Variants in SH3GL2 observed in about 807,000 individuals in gnomAD.
SH3GL2 encodes the protein SH3 domain containing GRB2 like 2, endophilin A1.
Under a neutral mutation model 46.0 loss-of-function variants are expected in SH3GL2, and 24 were observed. The observed-to-expected ratio is 0.52, with a 90% CI of 0.38 to 0.73. SH3GL2 has a LOEUF of 0.73. Ranked by LOEUF, SH3GL2 falls within the 30% of genes least tolerant of loss-of-function variation. SH3GL2 has a pLI of 0.00. For synonymous variants in SH3GL2, 196 were observed against 147.1 expected, an observed-to-expected ratio of 1.33 and a Z score of -2.40; for missense variants, 413 against 424.2, an observed-to-expected ratio of 0.97 and a Z score of 0.23.
At chr9:17,794,765 A>G (rs7029798) in intron 8 of SH3GL2, among the ~76,000 whole-genome samples, 86,676 of 151,938 alleles carry the variant, frequency 0.57, 25,255 homozygotes, top group East Asian at 0.88. Flanking sequence ...CTCAAGGTGG[A>G]GTACATTATT....
At chr9:17,759,042 A>G (rs1823092376) in intron 2 of SH3GL2, among the ~76,000 whole-genome samples, 2 of 152,204 alleles carry the variant, frequency 1.3e-5, no homozygotes, top group South Asian at 2.1e-4. Context: ...TTTACACTAC[A>G]TGAGTGGTTG....
intron 1 of SH3GL2, among the ~76,000 whole-genome samples, chr9:17,688,804 A>G (rs535110569): frequency 1.4e-4 from 22 of 152,208 alleles, no homozygotes; most frequent in African/African-American, 4.8e-4. Flanking sequence ...ATAAATATCT[A>G]TGAGTTCATA....
chr9:17,777,804 A>C (rs1823684441), intron 3 of SH3GL2, among the ~76,000 whole-genome samples: 1 of 152,040 alleles, frequency 6.6e-6, no homozygotes, highest in South Asian at 2.1e-4. Flanking sequence ...ACTATCTCAA[A>C]ATACAATTAC....
chr9:17,614,294 T>TG (rs1170451528), intron 1 of SH3GL2, among the ~76,000 whole-genome samples: 371 of 11,228 alleles, frequency 0.033, 15 homozygotes, highest in Admixed American at 0.13. Flanking sequence ...GCATGGTTTC[T>TG]GAAAAAAAAA....
chr9:17,618,851 A>G (rs1819066094), intron 1 of SH3GL2, among the ~76,000 whole-genome samples: 1 of 151,776 alleles, frequency 6.6e-6, no homozygotes, highest in Non-Finnish European at 1.5e-5. Context: ...AGAAGAAAGG[A>G]GAGAGGAGAG....
At chr9:17,738,144 T>C (rs1255187281) in intron 1 of SH3GL2, among the ~76,000 whole-genome samples, 1 of 152,122 alleles carries the variant, frequency 6.6e-6, no homozygotes, top group Non-Finnish European at 1.5e-5. Flanking sequence ...ATTTAAAACC[T>C]TCAGTGCTTG....
intron 1 of SH3GL2, among the ~76,000 whole-genome samples, chr9:17,627,866 A>G (rs989492423): frequency 2.0e-5 from 3 of 152,164 alleles, no homozygotes; most frequent in African/African-American, 7.2e-5. Flanking sequence ...TTACTGCTCT[A>G]GTGACTCAAT....
chr9:17,608,177 T>C (rs138072258), intron 1 of SH3GL2, among the ~76,000 whole-genome samples: 1 of 139,398 alleles, frequency 7.2e-6, no homozygotes, highest in Non-Finnish European at 1.5e-5. Context: ...AGATGGAGTC[T>C]TGCTCTGTTG....
intron 1 of SH3GL2, among the ~76,000 whole-genome samples, chr9:17,585,152 G>A (rs1427941822): frequency 6.6e-6 from 1 of 152,124 alleles, no homozygotes; most frequent in Non-Finnish European, 1.5e-5. Context: ...GAGTCTCAGG[G>A]CATCAAGCAA....
At chr9:17,585,778 C>A (rs1818364629) in intron 1 of SH3GL2, among the ~76,000 whole-genome samples, 1 of 152,164 alleles carries the variant, frequency 6.6e-6, no homozygotes, top group Non-Finnish European at 1.5e-5. Flanking sequence ...AGGGGCCAAC[C>A]TTATCAAACT....
chr9:17,676,301 C>T (rs566983750), intron 1 of SH3GL2, among the ~76,000 whole-genome samples: 1 of 152,180 alleles, frequency 6.6e-6, no homozygotes, highest in South Asian at 2.1e-4. Context: ...TATTTTTGCT[C>T]AGACTGTAAA....
intron 3 of SH3GL2, among the ~76,000 whole-genome samples, chr9:17,768,259 T>C (rs767689396): frequency 2.7e-5 from 4 of 150,822 alleles, no homozygotes; most frequent in Non-Finnish European, 5.9e-5. Context: ...TAATCCCAGC[T>C]ACTTGGGAGG....
At chr9:17,614,841 T>C (rs1226561570) in intron 1 of SH3GL2, among the ~76,000 whole-genome samples, 1 of 152,186 alleles carries the variant, frequency 6.6e-6, no homozygotes, top group African/African-American at 2.4e-5. Context: ...TGTTACAAGG[T>C]TGATGCGGCT....
In SH3GL2 at chr9:17,747,082, T is replaced by C; in HGVS notation, c.62T>C (p.Val21Ala). Residue 21 changes from valine to alanine, a missense_variant, in exon 2 of 9, where the codon GTT becomes GCT. Around this residue, in one of 3 missense-constraint regions of SH3GL2, gnomAD observed 160 missense variants for 192.3 expected, o/e 0.83. Coordinates refer to ENST00000380607, the MANE Select transcript of SH3GL2 (RefSeq NM_003026.5). ...HKATQKVSEK[V>A]GGAEGTKLDD... The stretch of plus-strand genomic sequence containing the variant: ...TTTCTACAGAAAGTGAGTGAGAAGG[T>C]TGGAGGAGCTGAAGGAACCAAGCTA... 1 of 1,607,154 alleles carries C rather than the reference T, an allele frequency of 6.2e-7. No homozygotes were observed. The highest frequency in any genetic ancestry group is 8.5e-7 in the Non-Finnish European group (1 of 1,173,912).
chr9:17,717,507 A>T (rs1821791999), intron 1 of SH3GL2, among the ~76,000 whole-genome samples: 1 of 152,078 alleles, frequency 6.6e-6, no homozygotes, highest in Non-Finnish European at 1.5e-5. Flanking sequence ...CAGTTGTCTC[A>T]TCTATAAAAT....
At position 17,735,603 on chromosome 9, in the gene SH3GL2, T is replaced by C. The variant is rs138576156; in HGVS notation, c.46-11463T>C. ...GCAGAGGACCAACTTTTTGTATATG[T>C]GGGTTCTACAGGGCCAACTGAGGGA... On this transcript the variant is annotated intron_variant, in intron 1 of 8. Transcript: ENST00000380607. 632 of 158,344 alleles carry C rather than the reference T, an allele frequency of 4.0e-3. 8 individuals are homozygous for C. Among genetic ancestry groups the C allele is most frequent in the African/African-American group, 0.014 (599 of 41,640 alleles). 9.8% of individuals were successfully genotyped at this position (158,344 alleles called of 1,614,324 possible).
intron 1 of SH3GL2, among the ~76,000 whole-genome samples, chr9:17,690,719 A>G (rs1388145115): frequency 1.3e-5 from 2 of 152,176 alleles, no homozygotes; most frequent in East Asian, 1.9e-4. Flanking sequence ...TTTATTAAGA[A>G]TAACATGAAA....
At chr9:17,638,308 A>G (rs1021779550) in intron 1 of SH3GL2, among the ~76,000 whole-genome samples, 1 of 152,168 alleles carries the variant, frequency 6.6e-6, no homozygotes, top group African/African-American at 2.4e-5. Flanking sequence ...TTATGTATCT[A>G]TTATCCAGAT....
intron 2 of SH3GL2, among the ~76,000 whole-genome samples, chr9:17,751,979 T>C (rs1373194763): frequency 6.6e-6 from 1 of 152,188 alleles, no homozygotes; most frequent in African/African-American, 2.4e-5. Flanking sequence ...TTGCAATATA[T>C]AGTTCCAAGC....
Sources: allele counts gnomAD v4.1 joint callset (sites outside exome capture counted in the v4.1 genomes callset), GRCh38; gene constraint gnomAD v4.1.1; regional missense constraint gnomAD v4.1.1; transcripts MANE v1.5; gene names NCBI Gene and HGNC (gene_info 2026-07-23, HGNC 2026-07-21).